The following CDYL variants were observed in gnomAD, a reference collection of about 807,000 sequenced individuals.
CDYL encodes chromodomain Y like.
In CDYL, 8 loss-of-function variants were observed where a neutral mutation model predicts 47.3. The ratio of observed to expected loss-of-function variants is 0.17; its 90% CI spans 0.10 to 0.31. The LOEUF (loss-of-function observed/expected upper bound fraction) is 0.31, where lower values mean the gene tolerates loss of function less well. Ranked by LOEUF, CDYL falls within the 10% of genes least tolerant of loss-of-function variation. The pLI is 1.00. For synonymous variants in CDYL, 266 were observed against 265.0 expected (o/e 1.00, Z -0.04); for missense variants, 471 against 701.4 (o/e 0.67, Z 3.71).
At chr6:4,845,940 C>T (rs1215917076) in intron 1 of CDYL, among the ~76,000 whole-genome samples, 2 of 152,152 alleles carry the variant, frequency 1.3e-5, no homozygotes, top group African/African-American at 2.4e-5. Context: ...TATTTGAAAA[C>T]TGGCACAATC....
At chr6:4,711,282 G>A (rs1266401291) in intron 1 of CDYL, among the ~76,000 whole-genome samples, 2 of 152,164 alleles carry the variant, frequency 1.3e-5, no homozygotes, top group Non-Finnish European at 2.9e-5. Context: ...CTGCCACAGA[G>A]TAAAGGAAGA....
chr6:4,800,299 AT>A (rs2127438854), intron 1 of CDYL, among the ~76,000 whole-genome samples: 1 of 152,264 alleles, frequency 6.6e-6, no homozygotes, highest in Non-Finnish European at 1.5e-5. Flanking sequence ...TTTTCTAGCT[AT>A]ATGCATCTTA....
chr6:4,716,671 G>A (rs1295842287), intron 2 of CDYL, among the ~76,000 whole-genome samples: 1 of 144,544 alleles, frequency 6.9e-6, no homozygotes, highest in African/African-American at 2.6e-5. Flanking sequence ...GAATGCAAAA[G>A]TGGTTTTCTA....
rs374079203 is a variant in CDYL, at chr6:4,911,747, T to C, written c.691+19368T>C. 1.5e-4 allele frequency among the ~76,000 whole-genome samples: 23 copies of C among 152,322 alleles called. No individual in the cohort carries two copies. In the East Asian group the frequency reaches 1.5e-3, roughly 10 times the overall value. On this transcript the variant is annotated intron_variant, in intron 2 of 6. Coordinates refer to ENST00000397588, the MANE Select transcript of CDYL (RefSeq NM_004824.4). ...ACTTCCTAGGTTAGTTTTAAACCTT[T>C]AGGGGTTACAGGACATCCACTTTCA... is the stretch of plus-strand genomic sequence containing the variant.
At chr6:4,821,915 G>A (rs1346663104) in intron 1 of CDYL, among the ~76,000 whole-genome samples, 1 of 152,014 alleles carries the variant, frequency 6.6e-6, no homozygotes, top group Non-Finnish European at 1.5e-5. Context: ...GGTGGTTGTT[G>A]CAATAACGTA....
At chr6:4,878,279 T>C (rs2127476685) in intron 1 of CDYL, among the ~76,000 whole-genome samples, 1 of 152,230 alleles carries the variant, frequency 6.6e-6, no homozygotes, top group Non-Finnish European at 1.5e-5. Flanking sequence ...GTCTCTCATT[T>C]TCTGAAATGA....
chr6:4,823,655 A>G (rs576491857), intron 1 of CDYL, among the ~76,000 whole-genome samples: 2 of 152,234 alleles, frequency 1.3e-5, no homozygotes, highest in Admixed American at 6.5e-5. Context: ...ATACAATTCC[A>G]TGATGTTAAT....
intron 1 of CDYL, among the ~76,000 whole-genome samples, chr6:4,843,509 C>CTT (rs869211505): frequency 2.3e-5 from 3 of 130,434 alleles, no homozygotes; most frequent in Admixed American, 1.5e-4. Flanking sequence ...GAGGCTTTTT[C>CTT]TTTTTTTTTT....
At chr6:4,732,687 G>T (rs9405773) in intron 2 of CDYL, among the ~76,000 whole-genome samples, 18,102 of 147,384 alleles carry the variant, frequency 0.12, 1,362 homozygotes, top group African/African-American at 0.24. Flanking sequence ...GGGGGGATTG[G>T]GGGGGAATTC....
At chr6:4,777,946 G>T (rs977600796) in intron 1 of CDYL, among the ~76,000 whole-genome samples, 2 of 152,190 alleles carry the variant, frequency 1.3e-5, no homozygotes, top group South Asian at 2.1e-4. Context: ...TCCTTACATT[G>T]TATGTGGTCA....
At chr6:4,951,651 G>C (rs1016093072) in intron 5 of CDYL, among the ~76,000 whole-genome samples, 1 of 151,828 alleles carries the variant, frequency 6.6e-6, no homozygotes, top group East Asian at 1.9e-4. Flanking sequence ...CTGTCTTTTC[G>C]TATCCAAGCG....
chr6:4,896,522 A>G (rs1463726806), intron 2 of CDYL, among the ~76,000 whole-genome samples: 1 of 152,150 alleles, frequency 6.6e-6, no homozygotes, highest in Non-Finnish European at 1.5e-5. Flanking sequence ...TCTTTTGCTC[A>G]GAGAGGAGGG....
intron 1 of CDYL, among the ~76,000 whole-genome samples, chr6:4,811,531 A>G (rs1264454786): frequency 1.3e-5 from 2 of 152,132 alleles, no homozygotes; most frequent in Non-Finnish European, 2.9e-5. Context: ...AGAATTTAGT[A>G]AGGAGATACT....
chr6:4,791,921 T>A (rs113059924), intron 1 of CDYL, among the ~76,000 whole-genome samples: 134 of 151,322 alleles, frequency 8.9e-4, no homozygotes, highest in Non-Finnish European at 1.4e-3. Context: ...CTTGCTCTGT[T>A]GCCCAGGCTG....
chr6:4,841,353 G>A (rs539679544), intron 1 of CDYL, among the ~76,000 whole-genome samples: 1 of 151,784 alleles, frequency 6.6e-6, no homozygotes, highest in Admixed American at 6.6e-5. Flanking sequence ...CCAGCTTTTT[G>A]TTTCATTTAC....
intron 2 of CDYL, among the ~76,000 whole-genome samples, chr6:4,915,510 C>T (rs1757532440): frequency 6.6e-6 from 1 of 152,168 alleles, no homozygotes; most frequent in South Asian, 2.1e-4. Context: ...AGACACACCT[C>T]ATTATACCCT....
intron 1 of CDYL, among the ~76,000 whole-genome samples, chr6:4,842,939 T>A (rs957519805): frequency 6.6e-6 from 1 of 152,184 alleles, no homozygotes; most frequent in Non-Finnish European, 1.5e-5. Context: ...TATATCTCCT[T>A]TTAGCAGTTT....
intron 2 of CDYL, among the ~76,000 whole-genome samples, chr6:4,717,595 G>A (rs1364340493): frequency 1.3e-5 from 2 of 150,884 alleles, no homozygotes; most frequent in Non-Finnish European, 2.9e-5. Context: ...ACACTCAGGA[G>A]GCTGAAGTGG....
At chr6:4,881,678 A>G (rs1761765625) in intron 1 of CDYL, among the ~76,000 whole-genome samples, 2 of 152,236 alleles carry the variant, frequency 1.3e-5, no homozygotes, top group African/African-American at 4.8e-5. Context: ...ATTTTGCATT[A>G]AACATTATTA....
Sources: allele counts gnomAD v4.1 joint callset (sites outside exome capture counted in the v4.1 genomes callset), GRCh38; gene constraint gnomAD v4.1.1; transcripts MANE v1.5; gene names NCBI Gene and HGNC (gene_info 2026-07-23, HGNC 2026-07-21).